The following LRRK1 variants were observed in gnomAD, a reference collection of about 807,000 sequenced individuals.
LRRK1 encodes leucine rich repeat kinase 1, also known as leucine-rich repeat serine/threonine-protein kinase 1.
A neutral mutation model predicts 209.1 loss-of-function variants in LRRK1; 113 were observed. That is an observed-to-expected ratio of 0.54 (90% CI 0.46 to 0.63). The LOEUF (loss-of-function observed/expected upper bound fraction) is 0.63, where lower values mean the gene tolerates loss of function less well. LRRK1 is among the 30% of genes least tolerant of loss of function. The pLI, the probability that LRRK1 is intolerant of heterozygous loss-of-function variation, is 0.00. For synonymous variants in LRRK1, 1,144 were observed against 1,099.7 expected, an observed-to-expected ratio of 1.04 and a Z score of -0.80; for missense variants, 2,284 against 2,632.2, an observed-to-expected ratio of 0.87 and a Z score of 2.89.
chr15:101,018,665 A>C (rs2033651180), intron 12 of LRRK1, among the ~76,000 whole-genome samples: 1 of 152,292 alleles, frequency 6.6e-6, no homozygotes, highest in African/African-American at 2.4e-5. Context: ...AATGCTCTAG[A>C]AAGTGACAGC....
At chr15:101,049,873 T>C in intron 23 of LRRK1, 90 bp downstream of exon 23, 1 of 1,408,558 alleles carries the variant, frequency 7.1e-7, no homozygotes, top group Non-Finnish European at 9.5e-7. Flanking sequence ...TGGACAAAAA[T>C]CCCACTGGGA....
At chr15:101,033,141 C>A (rs929568827) in intron 20 of LRRK1, among the ~76,000 whole-genome samples, 5 of 152,104 alleles carry the variant, frequency 3.3e-5, no homozygotes, top group Admixed American at 2.6e-4. Context: ...GCTCACATTT[C>A]TTTTATCAAT....
chr15:101,026,997 G>A (rs2034061329), intron 17 of LRRK1, among the ~76,000 whole-genome samples: 1 of 152,112 alleles, frequency 6.6e-6, no homozygotes, highest in Admixed American at 6.5e-5. Flanking sequence ...GTACCCTTGG[G>A]GGTCTCGGTG....
At chr15:100,952,213 G>T (rs916052454) in intron 2 of LRRK1, among the ~76,000 whole-genome samples, 1 of 152,072 alleles carries the variant, frequency 6.6e-6, no homozygotes, top group African/African-American at 2.4e-5. Flanking sequence ...TTTGCAGGGT[G>T]GTACAAATGT....
At chr15:101,014,546 G>C (rs973822254) in intron 11 of LRRK1, 118 bp downstream of exon 11, 2 of 704,610 alleles carry the variant, frequency 2.8e-6, no homozygotes, top group Admixed American at 2.7e-5. Flanking sequence ...CCAGCTGGGG[G>C]CTTAACAACA....
At chr15:100,934,066 T>A (rs1404089588) in intron 2 of LRRK1, among the ~76,000 whole-genome samples, 2 of 152,142 alleles carry the variant, frequency 1.3e-5, no homozygotes, top group Admixed American at 6.5e-5. Context: ...TCTCAGTTAA[T>A]TTTTATTTAT....
intron 2 of LRRK1, among the ~76,000 whole-genome samples, chr15:100,933,125 G>A (rs2042239655): frequency 6.6e-6 from 1 of 152,208 alleles, no homozygotes; most frequent in Non-Finnish European, 1.5e-5. Context: ...GTGTTCCTGA[G>A]GGCATCTTTA....
chr15:100,972,664 G>A (rs1466388094), intron 2 of LRRK1, among the ~76,000 whole-genome samples: 1 of 151,912 alleles, frequency 6.6e-6, no homozygotes, highest in Non-Finnish European at 1.5e-5. Flanking sequence ...CATGTTATAT[G>A]CCCCGAGTGC....
chr15:100,939,820 C>T (rs72765021), intron 2 of LRRK1, among the ~76,000 whole-genome samples: 1 of 152,266 alleles, frequency 6.6e-6, no homozygotes, highest in Non-Finnish European at 1.5e-5. Flanking sequence ...TTTTCTTATT[C>T]ATTCTACTGA....
Position 101,075,624 on chromosome 15 carries a change from T to G in LRRK1, c.*6776T>G, listed in dbSNP as rs2036957763. Reference sequence around the variant, plus strand: ...AAAGCCTATAAACTCTCCTTACAATTCCCCCATTTCACTTGTCCTAAAACC... The same window carrying G: ...AAAGCCTATAAACTCTCCTTACAATGCCCCCATTTCACTTGTCCTAAAACC... On this transcript the variant is annotated 3_prime_UTR_variant, in exon 34 of 34. Coordinates refer to ENST00000388948, the MANE Select transcript of LRRK1 (RefSeq NM_024652.6). The G allele has an allele frequency of 6.7e-6, 1 of 149,602 alleles. No homozygotes were observed. Among genetic ancestry groups the G allele is most frequent in the Non-Finnish European group, 1.5e-5 (1 of 67,954 alleles). 9.3% of individuals were successfully genotyped at this position (149,602 alleles called of 1,614,324 possible).
intron 12 of LRRK1, 149 bp downstream of exon 12, chr15:101,015,551 C>A: frequency 1.6e-6 from 1 of 636,026 alleles, no homozygotes; most frequent in Non-Finnish European, 2.8e-6. Flanking sequence ...CAAATGAAAA[C>A]CCTGCATATG....
chr15:100,961,850 G>A (rs935798005), intron 2 of LRRK1, among the ~76,000 whole-genome samples: 1 of 152,162 alleles, frequency 6.6e-6, no homozygotes, highest in South Asian at 2.1e-4. Flanking sequence ...GGTGTTGGGA[G>A]GAAGTCAAAT....
intron 13 of LRRK1, 90 bp downstream of exon 13, chr15:101,021,272 A>T (rs2033773382): frequency 7.0e-7 from 1 of 1,426,886 alleles, no homozygotes; most frequent in South Asian, 1.2e-5. Context: ...ACAGAAAGCC[A>T]GGCAGAAAGA....
At chr15:101,033,405 C>T (rs1296795825) in intron 20 of LRRK1, among the ~76,000 whole-genome samples, 1 of 152,142 alleles carries the variant, frequency 6.6e-6, no homozygotes, top group Non-Finnish European at 1.5e-5. Flanking sequence ...ACCCATTCAC[C>T]AACCTCTCTT....
chr15:101,022,640 A>G lies in LRRK1; in HGVS notation c.2067+43A>G. 2.2e-6 allele frequency: 3 copies of G among 1,391,966 alleles called. No homozygotes were observed. Among genetic ancestry groups the G allele is most frequent in the Non-Finnish European group, 3.0e-6 (3 of 1,010,906 alleles). The allele number at this position is 1,391,966 out of a possible 1,614,324, so 86.2% of individuals were successfully genotyped here. A position where few individuals can be genotyped will look rare whatever the true frequency, so the allele number is the denominator to read the frequency against. The stretch of plus-strand genomic sequence containing the variant: ...TGCAGAGTCCCTGTGGGTGGGAGGA[A>G]CATCCCTTGGACTCCTTCTCCCTTC... On this transcript the variant is annotated intron_variant, in intron 15 of 33. Coordinates refer to ENST00000388948, the MANE Select transcript of LRRK1 (RefSeq NM_024652.6). This position sits in a 1 kb window ranked among gnomAD's most constrained non-coding sequence, Gnocchi z 4.0.
Position 101,054,981 on chromosome 15 carries a change from C to CA in LRRK1, c.4096dup (p.Ile1366AsnfsTer21), listed in dbSNP as rs1567274364. On this transcript the variant is annotated frameshift_variant, in exon 27 of 34. Transcript: ENST00000388948. LOFTEE classifies it high-confidence loss of function. The stretch of plus-strand genomic sequence containing the variant: ...TATACCCCTGGGACACATGCTCACC[C>CA]AAAAAATAGCCTACCAGATCGCCTC... 1 of 1,613,596 alleles carries CA rather than the reference C, an allele frequency of 6.2e-7. No individual in the cohort carries two copies. Among genetic ancestry groups the CA allele is most frequent in the Non-Finnish European group, 8.5e-7 (1 of 1,179,822 alleles).
chr15:101,032,701 G>T (rs1453609617), intron 20 of LRRK1, among the ~76,000 whole-genome samples: 1 of 152,000 alleles, frequency 6.6e-6, no homozygotes, highest in African/African-American at 2.4e-5. Flanking sequence ...TAGGGGTCGA[G>T]GTCCATTTTT....
At chr15:100,931,700 A>G (rs1476434974) in intron 2 of LRRK1, among the ~76,000 whole-genome samples, 3 of 152,148 alleles carry the variant, frequency 2.0e-5, no homozygotes, top group African/African-American at 4.8e-5. Flanking sequence ...CCCAGCTTCC[A>G]GGCAAAAATG....
intron 2 of LRRK1, among the ~76,000 whole-genome samples, chr15:100,947,520 G>T (rs1467069516): frequency 6.6e-6 from 1 of 151,992 alleles, no homozygotes; most frequent in East Asian, 1.9e-4. Flanking sequence ...CTCAATATTG[G>T]AGTTAATAAT....
Sources: allele counts gnomAD v4.1 joint callset (sites outside exome capture counted in the v4.1 genomes callset), GRCh38; gene constraint gnomAD v4.1.1; non-coding constraint Gnocchi (gnomAD v3.1); transcripts MANE v1.5; gene names NCBI Gene and HGNC (gene_info 2026-07-23, HGNC 2026-07-21).